The following TSHR variants were observed in gnomAD, a reference collection of about 807,000 sequenced individuals.
TSHR encodes thyrotropin receptor.
TSHR carries 51 observed loss-of-function variants against 64.1 expected under a neutral mutation model. The observed-to-expected ratio is 0.80, with a 90% CI of 0.64 to 1.01. The LOEUF is 1.01. Ranked by LOEUF, TSHR falls within the 50% of genes least tolerant of loss-of-function variation. TSHR has a pLI of 0.00. For missense variants in TSHR, 877 were observed against 942.8 expected, an observed-to-expected ratio of 0.93 and a Z score of 0.91; for synonymous variants, 361 against 361.9, an observed-to-expected ratio of 1.00 and a Z score of 0.03.
chr14:81,030,181 G>T (rs1241412000), intron 1 of TSHR, among the ~76,000 whole-genome samples: 1 of 152,142 alleles, frequency 6.6e-6, no homozygotes, highest in Admixed American at 6.5e-5. Context: ...ACATTCAAGA[G>T]CCCTTAGGGA....
intron 1 of TSHR, among the ~76,000 whole-genome samples, chr14:81,048,418 T>C (rs1013386078): frequency 1.3e-5 from 2 of 152,184 alleles, no homozygotes; most frequent in African/African-American, 2.4e-5. Flanking sequence ...ATTATTAATA[T>C]GGTTTCCTTC....
chr14:81,096,586 G>A (rs1566811370), intron 6 of TSHR, 53 bp from the exon 7 acceptor site: 2 of 1,573,400 alleles, frequency 1.3e-6, no homozygotes, highest in Non-Finnish European at 1.7e-6. Context: ...CCAGAAACAG[G>A]CCAGCACCAC....
intron 5 of TSHR, among the ~76,000 whole-genome samples, chr14:81,092,220 T>A (rs1888792924): frequency 1.3e-5 from 2 of 152,166 alleles, no homozygotes; most frequent in South Asian, 4.1e-4. Flanking sequence ...GACAAAGTGT[T>A]GCAGATTCGG....
At chr14:81,071,671 G>A (rs1887080268) in intron 3 of TSHR, among the ~76,000 whole-genome samples, 1 of 152,100 alleles carries the variant, frequency 6.6e-6, no homozygotes, top group Middle Eastern at 3.2e-3. Flanking sequence ...TGAGGTGAGA[G>A]GATTAATTAA....
chr14:81,011,006 C>T (rs373425214), intron 1 of TSHR, among the ~76,000 whole-genome samples: 91 of 152,166 alleles, frequency 6.0e-4, no homozygotes, highest in African/African-American at 1.5e-3. Flanking sequence ...AGAAAAACTT[C>T]TCCACTGTTC....
chr14:81,092,172 T>G (rs1888788684), intron 5 of TSHR, among the ~76,000 whole-genome samples: 1 of 152,212 alleles, frequency 6.6e-6, no homozygotes, highest in South Asian at 2.1e-4. Flanking sequence ...CCTGACCTTC[T>G]TAAAGGTCCA....
chr14:81,138,516 C>T (rs924496035), intron 8 of TSHR, among the ~76,000 whole-genome samples: 1 of 152,016 alleles, frequency 6.6e-6, no homozygotes, highest in Non-Finnish European at 1.5e-5. Context: ...TACCAGCAGA[C>T]CAGTTTGGAA....
chr14:81,095,812 G>T (rs1367904253), intron 6 of TSHR, among the ~76,000 whole-genome samples: 1 of 152,050 alleles, frequency 6.6e-6, no homozygotes, highest in Admixed American at 6.6e-5. Flanking sequence ...GTTTCGGGAG[G>T]CTGAGGCAGG....
chr14:81,054,784 A>G (rs1885660980), intron 1 of TSHR, among the ~76,000 whole-genome samples: 2 of 152,206 alleles, frequency 1.3e-5, no homozygotes, highest in Non-Finnish European at 2.9e-5. Flanking sequence ...AAAGCATTCA[A>G]GATGTGACTT....
intron 3 of TSHR, among the ~76,000 whole-genome samples, chr14:81,070,488 A>G (rs1026111992): frequency 1.3e-5 from 2 of 151,910 alleles, no homozygotes; most frequent in Admixed American, 6.6e-5. Flanking sequence ...TTTGCCGGGC[A>G]TGGTGGTGTG....
intron 1 of TSHR, among the ~76,000 whole-genome samples, chr14:80,996,867 T>C (rs1889050605): frequency 6.6e-6 from 1 of 152,116 alleles, no homozygotes; most frequent in Non-Finnish European, 1.5e-5. Context: ...AATACAAGAC[T>C]TAGGAGTGCT....
intron 1 of TSHR, among the ~76,000 whole-genome samples, chr14:81,006,705 G>A (rs1889623086): frequency 6.6e-6 from 1 of 151,906 alleles, no homozygotes; most frequent in Non-Finnish European, 1.5e-5. Context: ...AGTAGAAATG[G>A]GGTTTCACCA....
chr14:80,991,311 C>G (rs1888715632), intron 1 of TSHR, among the ~76,000 whole-genome samples: 1 of 152,074 alleles, frequency 6.6e-6, no homozygotes, highest in Non-Finnish European at 1.5e-5. Flanking sequence ...GTTTTACCTA[C>G]TTAAAAAAAA....
chr14:81,009,512 G>T (rs78245658), intron 1 of TSHR, among the ~76,000 whole-genome samples: 1,805 of 152,122 alleles, frequency 0.012, 21 homozygotes, highest in African/African-American at 0.016. Context: ...TCTTCCTCAG[G>T]AGTTATCAGT....
At position 81,144,170 on chromosome 14, in the gene TSHR, G is replaced by A. The variant is rs747152620; in HGVS notation, c.2112G>A (p.Gln704=). The A allele has an allele frequency of 1.2e-6, 2 of 1,614,046 alleles. No individual in the cohort carries two copies. Among genetic ancestry groups the A allele is most frequent in the East Asian group, 2.2e-5 (1 of 44,870 alleles). The change falls in exon 10 of 10, where the codon CAG becomes CAA. Residue 704 remains glutamine, a synonymous_variant. Coordinates refer to ENST00000298171, the MANE Select transcript of TSHR (RefSeq NM_000369.5). ...TTGGCATCTGTAAACGCCAGGCTCA[G>A]GCATACCGGGGGCAGAGGGTTCCTC... ...SKFGICKRQA[Q]AYRGQRVPPK...
At chr14:81,035,283 A>G (rs1287983678) in intron 1 of TSHR, among the ~76,000 whole-genome samples, 1 of 152,238 alleles carries the variant, frequency 6.6e-6, no homozygotes, top group Non-Finnish European at 1.5e-5. Flanking sequence ...TTCCAATGCT[A>G]GAAAATTCTC....
intron 1 of TSHR, among the ~76,000 whole-genome samples, chr14:81,041,287 A>G (rs148288828): frequency 8.7e-4 from 132 of 152,308 alleles, no homozygotes; most frequent in African/African-American, 2.8e-3. Context: ...CATCAATGAT[A>G]GAATGGATAA....
intron 2 of TSHR, among the ~76,000 whole-genome samples, chr14:81,067,749 T>C (rs1023296136): frequency 6.8e-6 from 1 of 147,134 alleles, no homozygotes; most frequent in South Asian, 2.1e-4. Flanking sequence ...AATGGAAGAG[T>C]TCCTCAAAAT....
At chr14:81,113,668 G>A (rs1384868873) in intron 8 of TSHR, among the ~76,000 whole-genome samples, 1 of 151,946 alleles carries the variant, frequency 6.6e-6, no homozygotes, top group Non-Finnish European at 1.5e-5. Flanking sequence ...TAGGAAAGGT[G>A]ATCATGTGAG....
Sources: gnomAD v4.1 joint callset for allele counts (sites outside exome capture counted in the v4.1 genomes callset) on GRCh38, gnomAD v4.1.1 for gene constraint, MANE v1.5 for transcripts, NCBI Gene and HGNC (gene_info 2026-07-23, HGNC 2026-07-21) for gene names.